The following LRRC4C variants were observed in gnomAD, a reference collection of about 807,000 sequenced individuals.
The protein encoded by LRRC4C is leucine-rich repeat-containing protein 4C.
In LRRC4C, 5 loss-of-function variants were observed where a neutral mutation model predicts 33.6. The ratio of observed to expected loss-of-function variants is 0.15; its 90% CI spans 0.08 to 0.31. The LOEUF is 0.31. Ranked by LOEUF, LRRC4C falls within the 10% of genes least tolerant of loss-of-function variation. LRRC4C has a pLI of 1.00. For synonymous variants in LRRC4C, 329 were observed against 302.0 expected (o/e 1.09, Z -0.93); for missense variants, 560 against 796.7 (o/e 0.70, Z 3.58).
intron 2 of LRRC4C, among the ~76,000 whole-genome samples, chr11:40,751,605 G>GT (rs1298933456): frequency 5.9e-5 from 9 of 151,970 alleles, no homozygotes; most frequent in Non-Finnish European, 2.9e-5. Context: ...AATTGTAGAG[G>GT]TAAAAAAAAT....
intron 3 of LRRC4C, among the ~76,000 whole-genome samples, chr11:40,350,653 A>T (rs1283588387): frequency 6.6e-6 from 1 of 152,036 alleles, no homozygotes; most frequent in Non-Finnish European, 1.5e-5. Context: ...TTTGATAAGG[A>T]TTGCATTGAA....
intron 1 of LRRC4C, among the ~76,000 whole-genome samples, chr11:41,222,616 T>A (rs1947355377): frequency 6.6e-6 from 1 of 152,090 alleles, no homozygotes; most frequent in Non-Finnish European, 1.5e-5. Context: ...TCACAATTCT[T>A]GTACATCACA....
intron 3 of LRRC4C, among the ~76,000 whole-genome samples, chr11:40,366,032 A>G (rs953583988): frequency 6.6e-6 from 1 of 152,064 alleles, no homozygotes; most frequent in Non-Finnish European, 1.5e-5. Context: ...TTTAATCTCA[A>G]CATAACCAAC....
intron 1 of LRRC4C, among the ~76,000 whole-genome samples, chr11:41,095,682 A>T (rs1940765098): frequency 2.0e-5 from 3 of 152,214 alleles, no homozygotes; most frequent in Non-Finnish European, 4.4e-5. Flanking sequence ...GAAGGAATAT[A>T]TAATCATATC....
chr11:40,521,991 G>T (rs1038520893), intron 3 of LRRC4C, among the ~76,000 whole-genome samples: 1 of 152,178 alleles, frequency 6.6e-6, no homozygotes, highest in Non-Finnish European at 1.5e-5. Flanking sequence ...AGACAAAAAA[G>T]ATTCTTCTAA....
chr11:40,738,297 T>C (rs1228904398), intron 2 of LRRC4C, among the ~76,000 whole-genome samples: 1 of 152,154 alleles, frequency 6.6e-6, no homozygotes, highest in African/African-American at 2.4e-5. Context: ...TGTACCACGA[T>C]ACGGCCCTCC....
intron 2 of LRRC4C, among the ~76,000 whole-genome samples, chr11:40,709,402 G>A (rs1946346056): frequency 6.6e-6 from 1 of 152,032 alleles, no homozygotes; most frequent in Admixed American, 6.6e-5. Flanking sequence ...CAGGCCTGGT[G>A]GTGACAAAAT....
At chr11:40,491,182 G>A (rs1387604028) in intron 3 of LRRC4C, among the ~76,000 whole-genome samples, 1 of 152,084 alleles carries the variant, frequency 6.6e-6, no homozygotes, top group Non-Finnish European at 1.5e-5. Context: ...GTACTCGGGA[G>A]GCTGAGGCAT....
Position 40,900,777 on chromosome 11 carries a change from G to GATATATTTGATTGAATA in LRRC4C, c.-407+32857_-407+32858insTATTCAATCAAATATAT, listed in dbSNP as rs1157586355. ...AAAATTTACTTAGATTATATCTTTT[G>GATATATTTGATTGAATA]TTCTATATTCAATCAAAAATTTAAT... On this transcript the variant is annotated intron_variant, in intron 2 of 6. Transcript: ENST00000528697. Among the ~76,000 whole-genome samples the GATATATTTGATTGAATA allele has an allele frequency of 4.0e-5, 6 of 151,838 alleles. No homozygotes were observed. In the East Asian group the frequency reaches 1.2e-3, roughly 29 times the overall value.
intron 3 of LRRC4C, among the ~76,000 whole-genome samples, chr11:40,415,032 C>T (rs1950275674): frequency 6.6e-6 from 1 of 152,168 alleles, no homozygotes; most frequent in Non-Finnish European, 1.5e-5. Flanking sequence ...ATTTTAAACT[C>T]CTAGTCTGCC....
intron 2 of LRRC4C, among the ~76,000 whole-genome samples, chr11:40,723,812 G>A (rs1201088103): frequency 6.6e-6 from 1 of 151,904 alleles, no homozygotes; most frequent in Non-Finnish European, 1.5e-5. Flanking sequence ...GACAAAGAAC[G>A]GCAAATAGTA....
intron 3 of LRRC4C, among the ~76,000 whole-genome samples, chr11:40,637,610 G>A (rs918329963): frequency 1.3e-5 from 2 of 152,082 alleles, no homozygotes; most frequent in African/African-American, 4.8e-5. Flanking sequence ...CCATTTATCA[G>A]ACCAAACATG....
Position 40,793,521 on chromosome 11 carries a change from A to C in LRRC4C, c.-407+140114T>G, listed in dbSNP as rs112174286. On this transcript the variant is annotated intron_variant, in intron 2 of 6. Transcript: ENST00000528697. ...CCAGTCAGAATTTGAAAAGCTTTGC[A>C]TGTATTAACTCATTTAATACTCACA... Among the ~76,000 whole-genome samples, 277 of 152,352 alleles carry C rather than the reference A, an allele frequency of 1.8e-3. 2 individuals carry two copies. The highest frequency in any genetic ancestry group is 6.6e-3 in the African/African-American group (273 of 41,584).
chr11:41,101,805 T>C, intron 1 of LRRC4C, among the ~76,000 whole-genome samples: 1 of 151,586 alleles, frequency 6.6e-6, no homozygotes, highest in East Asian at 1.9e-4. Context: ...ATCACAGCCA[T>C]AAAAAAAGAG....
chr11:41,200,331 G>T (rs1445991655), intron 1 of LRRC4C, among the ~76,000 whole-genome samples: 1 of 152,020 alleles, frequency 6.6e-6, no homozygotes, highest in Non-Finnish European at 1.5e-5. Flanking sequence ...GAAGTAAAAA[G>T]GCATTATTTC....
At chr11:40,652,806 C>T (rs1019077748) in intron 2 of LRRC4C, among the ~76,000 whole-genome samples, 2 of 152,136 alleles carry the variant, frequency 1.3e-5, no homozygotes, top group South Asian at 2.1e-4. Context: ...CAGGAGGCCC[C>T]AAGGGCTCTG....
intron 3 of LRRC4C, among the ~76,000 whole-genome samples, chr11:40,526,124 A>C (rs116467739): frequency 0.014 from 2,160 of 152,212 alleles, 55 homozygotes; most frequent in African/African-American, 0.049. Flanking sequence ...GAATTACATA[A>C]AAATAAAGAT....
chr11:40,650,021 T>C (rs1439198907), intron 2 of LRRC4C, among the ~76,000 whole-genome samples: 1 of 152,212 alleles, frequency 6.6e-6, no homozygotes, highest in Non-Finnish European at 1.5e-5. Context: ...GTTTAAATAA[T>C]TAATGTCAAA....
At chr11:40,787,191 T>G (rs1309060764) in intron 2 of LRRC4C, among the ~76,000 whole-genome samples, 1 of 152,092 alleles carries the variant, frequency 6.6e-6, no homozygotes, top group Non-Finnish European at 1.5e-5. Context: ...ATGAATTTCT[T>G]TAGAGAAATT....
Sources: gnomAD v4.1 joint callset for allele counts (sites outside exome capture counted in the v4.1 genomes callset) on GRCh38, gnomAD v4.1.1 for gene constraint, MANE v1.5 for transcripts, NCBI Gene and HGNC (gene_info 2026-07-23, HGNC 2026-07-21) for gene names.